Variants in GALNT17 observed in about 807,000 individuals in gnomAD.
The protein encoded by GALNT17 is UDP-GalNAc:polypeptide N-acetylgalactosaminyltransferase-like 3.
A neutral mutation model predicts 63.7 loss-of-function variants in GALNT17; 29 were observed. The observed-to-expected ratio is 0.46, with a 90% CI of 0.34 to 0.62. GALNT17 has a LOEUF of 0.62. Among genes scored for constraint, GALNT17 ranks in the 20% least tolerant of loss-of-function variants. The pLI is 0.01. For synonymous variants in GALNT17, 305 were observed against 318.3 expected (o/e 0.96, Z 0.45); for missense variants, 603 against 799.6 (o/e 0.75, Z 2.97).
intron 5 of GALNT17, among the ~76,000 whole-genome samples, chr7:71,496,297 T>TACA (rs1788092854): frequency 6.6e-6 from 1 of 151,696 alleles, no homozygotes; most frequent in Non-Finnish European, 1.5e-5. Context: ...GGCCCCAGAG[T>TACA]TTGTGCTGGC....
At chr7:71,349,231 C>CT (rs1031084754) in intron 2 of GALNT17, among the ~76,000 whole-genome samples, 1 of 111,058 alleles carries the variant, frequency 9.0e-6, no homozygotes, top group African/African-American at 5.2e-5. Flanking sequence ...ACGGTGCTTT[C>CT]GTAACAAGCT....
intron 3 of GALNT17, among the ~76,000 whole-genome samples, chr7:71,398,561 C>G (rs1338839285): frequency 6.6e-6 from 1 of 152,134 alleles, no homozygotes; most frequent in Non-Finnish European, 1.5e-5. Context: ...CTAAAAGTTA[C>G]ATTTTTCTCA....
intron 2 of GALNT17, among the ~76,000 whole-genome samples, chr7:71,362,498 G>A (rs1033912853): frequency 6.6e-6 from 1 of 152,146 alleles, no homozygotes; most frequent in Admixed American, 6.5e-5. Context: ...CTGGTGATTT[G>A]CAGAGTGCTT....
At chr7:71,309,772 T>C (rs1408826990) in intron 1 of GALNT17, among the ~76,000 whole-genome samples, 1 of 152,186 alleles carries the variant, frequency 6.6e-6, no homozygotes, top group Non-Finnish European at 1.5e-5. Context: ...TATGCTGTGA[T>C]GTTTAGCGCA....
chr7:71,586,370 C>A (rs1297814869), intron 6 of GALNT17, among the ~76,000 whole-genome samples: 1 of 152,156 alleles, frequency 6.6e-6, no homozygotes, highest in Non-Finnish European at 1.5e-5. Context: ...CAGTCTTTGT[C>A]GTTTACTGAG....
intron 1 of GALNT17, among the ~76,000 whole-genome samples, chr7:71,173,048 G>A (rs376450788): frequency 3.9e-5 from 6 of 152,142 alleles, no homozygotes; most frequent in Admixed American, 2.0e-4. Context: ...ATGATTGCTC[G>A]GTTTTAAGAA....
intron 6 of GALNT17, among the ~76,000 whole-genome samples, chr7:71,572,273 AG>A (rs1402297093): frequency 2.0e-5 from 3 of 151,320 alleles, no homozygotes; most frequent in Non-Finnish European, 4.4e-5. Context: ...AAACCAAATC[AG>A]GGGGGTCACT....
intron 5 of GALNT17, among the ~76,000 whole-genome samples, chr7:71,495,275 C>CA (rs771107203): frequency 0.012 from 1,717 of 142,898 alleles, 24 homozygotes; most frequent in Non-Finnish European, 0.017. Flanking sequence ...GACACCATCT[C>CA]AAAAAAAAAA....
At chr7:71,174,049 G>A (rs1168854184) in intron 1 of GALNT17, among the ~76,000 whole-genome samples, 1 of 152,202 alleles carries the variant, frequency 6.6e-6, no homozygotes, top group Non-Finnish European at 1.5e-5. Flanking sequence ...CGACTCAAGA[G>A]ATTCTTCAGT....
intron 5 of GALNT17, among the ~76,000 whole-genome samples, chr7:71,500,136 A>G (rs1788157165): frequency 6.6e-6 from 1 of 151,996 alleles, no homozygotes; most frequent in South Asian, 2.1e-4. Context: ...GGACTAATAC[A>G]CTCGTCCATC....
At chr7:71,536,948 C>A (rs917121179) in intron 5 of GALNT17, among the ~76,000 whole-genome samples, 3 of 152,176 alleles carry the variant, frequency 2.0e-5, no homozygotes, top group Non-Finnish European at 4.4e-5. Flanking sequence ...GACCTGTCCC[C>A]TTGAGTCACT....
intron 5 of GALNT17, among the ~76,000 whole-genome samples, chr7:71,561,332 T>A (rs1455688964): frequency 6.6e-6 from 1 of 152,114 alleles, no homozygotes; most frequent in South Asian, 2.1e-4. Flanking sequence ...GAATTTGCAT[T>A]AACCAACCTA....
intron 1 of GALNT17, among the ~76,000 whole-genome samples, chr7:71,238,274 C>T (rs1789931520): frequency 6.6e-6 from 1 of 152,150 alleles, no homozygotes; most frequent in Non-Finnish European, 1.5e-5. Flanking sequence ...GACTCTGGTT[C>T]CAGGGTGGGA....
intron 5 of GALNT17, among the ~76,000 whole-genome samples, chr7:71,570,541 G>A (rs1016615635): frequency 6.6e-6 from 1 of 152,050 alleles, no homozygotes; most frequent in Non-Finnish European, 1.5e-5. Context: ...GACTGCACAA[G>A]GACCCCCCAT....
At chr7:71,625,425 C>T (rs1284182925) in intron 6 of GALNT17, among the ~76,000 whole-genome samples, 1 of 152,180 alleles carries the variant, frequency 6.6e-6, no homozygotes, top group African/African-American at 2.4e-5. Context: ...GGATTATAGG[C>T]GTGAGCCACC....
intron 7 of GALNT17, 123 bp downstream of exon 7, chr7:71,665,719 G>C: frequency 1.8e-6 from 2 of 1,100,744 alleles, no homozygotes; most frequent in Non-Finnish European, 2.5e-6. Flanking sequence ...AATTATGAAT[G>C]CATTTCAAAG....
At chr7:71,516,392 G>A (rs1788445367) in intron 5 of GALNT17, among the ~76,000 whole-genome samples, 1 of 152,170 alleles carries the variant, frequency 6.6e-6, no homozygotes, top group Admixed American at 6.5e-5. Flanking sequence ...TTTCGGAGGA[G>A]TGATGGAGCA....
intron 5 of GALNT17, among the ~76,000 whole-genome samples, chr7:71,525,736 CTTTT>C (rs71089950): frequency 1.3e-5 from 1 of 75,060 alleles, no homozygotes; most frequent in Non-Finnish European, 2.5e-5. Flanking sequence ...TATGTCTTTT[CTTTT>C]TTTTTTTTTT....
chr7:71,572,553 T>G (rs1408470554), intron 6 of GALNT17, among the ~76,000 whole-genome samples: 3 of 134,032 alleles, frequency 2.2e-5, no homozygotes, highest in Non-Finnish European at 4.7e-5. Flanking sequence ...GGTGTACAGG[T>G]GATGTTTGGA....
Sources: allele counts gnomAD v4.1 joint callset (sites outside exome capture counted in the v4.1 genomes callset), GRCh38; gene constraint gnomAD v4.1.1; transcripts MANE v1.5; gene names NCBI Gene and HGNC (gene_info 2026-07-23, HGNC 2026-07-21).